The following EMC3 variants were observed in gnomAD, a reference collection of about 807,000 sequenced individuals.
EMC3 encodes the protein 30 kDa protein.
Under a neutral mutation model 36.6 loss-of-function variants are expected in EMC3, and 13 were observed. The observed-to-expected ratio is 0.35, with a 90% confidence interval of 0.23 to 0.56. The LOEUF (loss-of-function observed/expected upper bound fraction) is 0.56, where lower values mean the gene tolerates loss of function less well. EMC3 is among the 20% of genes least tolerant of loss of function. EMC3 has a pLI of 0.84. For synonymous variants in EMC3, 120 were observed against 111.9 expected (o/e 1.07, Z -0.46); for missense variants, 220 against 324.5 (o/e 0.68, Z 2.47).
chr3:9,993,927 G>A lies in EMC3; in HGVS notation c.-241-7025C>T, dbSNP rs566643024. Among the ~76,000 whole-genome samples, 108 of 152,390 alleles carry A rather than the reference G, an allele frequency of 7.1e-4. No homozygotes were observed. The South Asian group carries it at 0.018, about 25-fold the overall frequency. The stretch of plus-strand genomic sequence containing the variant: ...CCTCCAATCCCAAATCGAGCAGATA[G>A]GAATGTACTATTAGGCTTATAACTT... On this transcript the variant is annotated intron_variant, in intron 1 of 8. Coordinates refer to the EMC3 transcript ENST00000470827.
intron 1 of EMC3, chr3:10,002,776 G>A: frequency 1.5e-5 from 7 of 453,830 alleles, no homozygotes; most frequent in South Asian, 1.1e-4. Context: ...AATGTCCCTG[G>A]CTCAACAAGC....
chr3:9,963,799 C>A lies in EMC3; in HGVS notation c.*270G>T. On this transcript the variant is annotated 3_prime_UTR_variant, in exon 8 of 8. Coordinates refer to ENST00000245046, the MANE Select transcript of EMC3 (RefSeq NM_001394674.1). ...CCAAGATTTTATATATTATCAGTAG[C>A]CTGAGGTTTCCCCCTTTCTCTGACT... The A allele has an allele frequency of 2.9e-6, 1 of 344,782 alleles. No homozygotes were observed. The highest frequency in any genetic ancestry group is 5.2e-6 in the Non-Finnish European group (1 of 191,292). The allele number at this position is 344,782 out of a possible 1,614,324, so 21.4% of individuals were successfully genotyped here.
intron 1 of EMC3, among the ~76,000 whole-genome samples, chr3:9,978,919 C>A (rs959381834): frequency 6.6e-6 from 1 of 152,188 alleles, no homozygotes. Flanking sequence ...TTTAAACAGT[C>A]AGTACCCCGG....
rs551199383 is a variant in EMC3 at position 9,973,400 on chromosome 3, T to C, written c.494+228A>G. 9.1e-5 allele frequency: 44 copies of C among 481,498 alleles called. No individual in the cohort carries two copies. The South Asian group carries it at 1.0e-3, about 11-fold the overall frequency. The allele number at this position is 481,498 out of a possible 1,614,324, so 29.8% of individuals were successfully genotyped here. A position where few individuals can be genotyped will look rare whatever the true frequency, so the allele number is the denominator to read the frequency against. On this transcript the variant is annotated intron_variant, in intron 5 of 7. Transcript: ENST00000245046. ...TAGTACAGACGGGGTTTCACAGTGT[T>C]AGCCAGAATGGTCTCGATCTCCTGA...
chr3:9,967,679 C>T (rs1376244517), intron 7 of EMC3, among the ~76,000 whole-genome samples: 3 of 152,150 alleles, frequency 2.0e-5, no homozygotes, highest in Non-Finnish European at 4.4e-5. Flanking sequence ...ACATTTTTGC[C>T]TATTGTGATT....
chr3:9,978,496 C>T (rs553706603), intron 1 of EMC3, among the ~76,000 whole-genome samples: 6 of 151,858 alleles, frequency 4.0e-5, no homozygotes, highest in African/African-American at 1.2e-4. Context: ...AGTCTTGAAA[C>T]GTGAAAAAAA....
chr3:9,986,885 G>C (rs2085981003), upstream of EMC3: 43 of 1,343,832 alleles, frequency 3.2e-5, no homozygotes, highest in Non-Finnish European at 4.0e-5. Flanking sequence ...CCTCAGTGGC[G>C]TCAGAGCGGC....
At chr3:10,000,616 A>G (rs143953816) in intron 1 of EMC3, 13,812 of 449,642 alleles carry the variant, frequency 0.031, 266 homozygotes, top group Admixed American at 0.042. Context: ...TTTGTTTTGT[A>G]ATAAATAAGG....
At chr3:9,983,238 C>A (rs529678620) in intron 1 of EMC3, among the ~76,000 whole-genome samples, 5 of 151,976 alleles carry the variant, frequency 3.3e-5, no homozygotes, top group African/African-American at 1.2e-4. Flanking sequence ...ACCTCTACTC[C>A]TTAGGTTCAT....
At chr3:9,970,768 C>T (rs1575674391) in intron 5 of EMC3, 107 bp from the exon 6 acceptor site, 3 of 986,436 alleles carry the variant, frequency 3.0e-6, no homozygotes, top group East Asian at 2.5e-5. Context: ...AAGAAGTCAC[C>T]TTGGATGGGC....
At chr3:10,004,708 C>T (rs1375931813) in intron 1 of EMC3, 1 of 152,386 alleles carries the variant, frequency 6.6e-6, no homozygotes, top group Admixed American at 6.5e-5. Context: ...AGTCTGGCCC[C>T]ACCAGGAGAC....
In EMC3 at chr3:10,008,844, G is replaced by A. The variant is rs201579544; in HGVS notation, c.-242+2179C>T. ...AGCCACACATCTCTGGCACCCAGGA[G>A]GCCCTCAATCAGTATTTGTGCAATC... On this transcript the variant is annotated intron_variant, in intron 1 of 8. Coordinates refer to the EMC3 transcript ENST00000470827. The A allele has an allele frequency of 2.8e-5, 6 of 214,778 alleles. No individual in the cohort carries two copies. The East Asian group carries it at 7.1e-4, about 26-fold the overall frequency. The allele number at this position is 214,778 out of a possible 1,614,324, so 13.3% of individuals were successfully genotyped here. A position where few individuals can be genotyped will look rare whatever the true frequency, so the allele number is the denominator to read the frequency against.
chr3:9,990,093 C>T (rs899545782), upstream of EMC3, among the ~76,000 whole-genome samples: 1 of 151,326 alleles, frequency 6.6e-6, no homozygotes, highest in Non-Finnish European at 1.5e-5. Context: ...GGCGCAATCT[C>T]AGCTCACTGC....
chr3:9,988,565 C>T, upstream of EMC3: 1 of 878,120 alleles, frequency 1.1e-6, no homozygotes, highest in Admixed American at 1.8e-5. Context: ...AAATAAAAAT[C>T]TCAAAACTCA....
chr3:9,998,831 A>G (rs541095850), intron 1 of EMC3, among the ~76,000 whole-genome samples: 3 of 151,854 alleles, frequency 2.0e-5, no homozygotes, highest in African/African-American at 7.2e-5. Context: ...ATCCTGGCTC[A>G]CTGCAACCTC....
At position 9,986,818 on chromosome 3, in the gene EMC3, G is replaced by C. The variant is rs1450796402; in HGVS notation, c.-157C>G. On this transcript the variant is annotated 5_prime_UTR_variant, in exon 1 of 8. Coordinates refer to ENST00000245046, the MANE Select transcript of EMC3 (RefSeq NM_001394674.1). ...CTGTGAGCCGAGCTTACTGCCTTCA[G>C]CTGGGCTGCCTGGTCTTCCACTTCC... 3 of 1,420,604 alleles carry C rather than the reference G, an allele frequency of 2.1e-6. No individual in the cohort carries two copies. Among genetic ancestry groups the C allele is most frequent in the Non-Finnish European group, 2.8e-6 (3 of 1,085,050 alleles). 88.0% of individuals were successfully genotyped at this position (1,420,604 alleles called of 1,614,324 possible).
chr3:10,007,993 C>A (rs939797508), intron 1 of EMC3, among the ~76,000 whole-genome samples: 1 of 152,164 alleles, frequency 6.6e-6, no homozygotes, highest in Admixed American at 6.5e-5. Context: ...CTCCTTGTCT[C>A]CCCAGTGAGC....
intron 1 of EMC3, among the ~76,000 whole-genome samples, chr3:9,981,991 C>G (rs924893523): frequency 2.6e-5 from 4 of 151,830 alleles, no homozygotes; most frequent in African/African-American, 9.7e-5. Flanking sequence ...TGCTCTGTCA[C>G]CCAGGCTGGA....
At chr3:10,007,108 C>CCTAACT (rs1489987528) in intron 1 of EMC3, 2 of 317,086 alleles carry the variant, frequency 6.3e-6, no homozygotes, top group Non-Finnish European at 6.1e-6. Flanking sequence ...AGGCGGCATG[C>CCTAACT]AGTCAAGGAT....
Sources: gnomAD v4.1 joint callset for allele counts (sites outside exome capture counted in the v4.1 genomes callset) on GRCh38, gnomAD v4.1.1 for gene constraint, MANE v1.5 for transcripts, NCBI Gene and HGNC (gene_info 2026-07-23, HGNC 2026-07-21) for gene names.